Variants in MYCBP2 observed in about 807,000 individuals in gnomAD.
MYCBP2 encodes the protein E3 ubiquitin-protein ligase MYCBP2.
In MYCBP2, 120 loss-of-function variants were observed where a neutral mutation model predicts 525.3. The ratio of observed to expected loss-of-function variants is 0.23; its 90% CI spans 0.20 to 0.27. MYCBP2 has a LOEUF of 0.27. MYCBP2 is among the 10% of genes least tolerant of loss of function. MYCBP2 has a pLI of 1.00. For synonymous variants in MYCBP2, 1,894 were observed against 1,955.8 expected (o/e 0.97, Z 0.83); for missense variants, 4,149 against 5,657.1 (o/e 0.73, Z 8.55).
chr13:77,113,048 G>A (rs1279981507), intron 55 of MYCBP2, among the ~76,000 whole-genome samples: 2 of 152,110 alleles, frequency 1.3e-5, no homozygotes, highest in Non-Finnish European at 2.9e-5. Context: ...CCCTCTGCAT[G>A]AACAGTGCTT....
intron 2 of MYCBP2, among the ~76,000 whole-genome samples, chr13:77,294,484 A>G (rs1207397435): frequency 6.6e-6 from 1 of 152,092 alleles, no homozygotes; most frequent in Admixed American, 6.5e-5. Context: ...AGAGGAAAAA[A>G]ACTGAATTAC....
intron 42 of MYCBP2, 97 bp downstream of exon 42, chr13:77,165,176 G>A (rs1350969918): frequency 3.8e-6 from 4 of 1,062,704 alleles, no homozygotes; most frequent in African/African-American, 1.6e-5. Context: ...TTTTCGAATA[G>A]AGGCAACAGT....
chr13:77,286,098 C>A (rs1025450471), intron 3 of MYCBP2, among the ~76,000 whole-genome samples: 2 of 151,938 alleles, frequency 1.3e-5, no homozygotes, highest in African/African-American at 4.8e-5. Flanking sequence ...AGCCATCTGC[C>A]GAGAATAAGG....
At chr13:77,281,390 T>C (rs779366858) in intron 3 of MYCBP2, among the ~76,000 whole-genome samples, 1 of 152,046 alleles carries the variant, frequency 6.6e-6, no homozygotes, top group Admixed American at 6.5e-5. Context: ...TAAATATGTA[T>C]AATTAGCAAA....
chr13:77,162,065 C>T (rs1398822027), intron 43 of MYCBP2, 110 bp from the exon 44 acceptor site: 1 of 732,596 alleles, frequency 1.4e-6, no homozygotes, highest in Non-Finnish European at 2.2e-6. Flanking sequence ...TTCTGCTATT[C>T]CAGATTGAAA....
At chr13:77,158,250 C>T (rs1196320076) in intron 44 of MYCBP2, 141 bp from the exon 45 acceptor site, 1 of 481,938 alleles carries the variant, frequency 2.1e-6, no homozygotes, top group Non-Finnish European at 3.5e-6. Context: ...CTTCTTTTAA[C>T]CCACAGAATA....
intron 21 of MYCBP2, among the ~76,000 whole-genome samples, chr13:77,214,024 C>T (rs950125342): frequency 2.0e-5 from 3 of 152,228 alleles, no homozygotes; most frequent in Non-Finnish European, 2.9e-5. Context: ...CAGGGAAACA[C>T]ATGCCCCCAA....
At chr13:77,051,757 AT>A (rs2036868524) in intron 81 of MYCBP2, 53 bp downstream of exon 81, 14 of 1,329,788 alleles carry the variant, frequency 1.1e-5, no homozygotes, top group Non-Finnish European at 1.5e-5. Flanking sequence ...TGTTTAAAAA[AT>A]AATACTATTT....
Position 77,181,758 on chromosome 13 carries a change from G to A in MYCBP2, c.4884C>T (p.Asp1628=), listed in dbSNP as rs979684397. ...SIVKQVSTEN[D]STLVHRFPLL... ...GGGGAAAACGATGAACTAGTGTTGA[G>A]TCGTTCTCTGTACTAACTTGTTTAA... is the stretch of plus-strand genomic sequence containing the variant. The change falls in exon 33 of 83, where the codon GAC becomes GAT. Residue 1628 remains aspartate (D), a synonymous_variant. Coordinates refer to ENST00000544440, the MANE Select transcript of MYCBP2 (RefSeq NM_015057.5). 5 of 1,613,974 alleles carry A rather than the reference G, an allele frequency of 3.1e-6. No homozygotes were observed. The highest frequency in any genetic ancestry group is 4.2e-6 in the Non-Finnish European group (5 of 1,179,998).
chr13:77,253,320 G>C (rs569708969), intron 14 of MYCBP2, among the ~76,000 whole-genome samples: 1 of 151,902 alleles, frequency 6.6e-6, no homozygotes, highest in East Asian at 1.9e-4. Flanking sequence ...ACATTTACTA[G>C]AATGTTCACA....
chr13:77,076,748 T>A lies in MYCBP2; in HGVS notation c.11823+3A>T. 6.5e-7 allele frequency: 1 copy of A among 1,532,366 alleles called. No homozygotes were observed. Among genetic ancestry groups the A allele is most frequent in the African/African-American group, 1.4e-5 (1 of 72,940 alleles). The allele number at this position is 1,532,366 out of a possible 1,614,324, so 94.9% of individuals were successfully genotyped here. ...TAAATATCTTTAGAATACAAATAAA[T>A]ACATTGTATACTTTTTCTTCTCCTT... On this transcript the variant is annotated splice_donor_region_variant and intron_variant, in intron 68 of 82. Transcript: ENST00000544440.
At chr13:77,128,081 T>C (rs2154168685) in intron 52 of MYCBP2, among the ~76,000 whole-genome samples, 1 of 151,990 alleles carries the variant, frequency 6.6e-6, no homozygotes, top group East Asian at 1.9e-4. Flanking sequence ...ATACGCATTT[T>C]ATATACTCAT....
intron 59 of MYCBP2, among the ~76,000 whole-genome samples, chr13:77,091,631 A>G (rs917921580): frequency 6.6e-6 from 1 of 152,182 alleles, no homozygotes; most frequent in African/African-American, 2.4e-5. Context: ...CAGTTGTGAC[A>G]AAGTTATTTC....
intron 49 of MYCBP2, among the ~76,000 whole-genome samples, chr13:77,142,330 A>G (rs1228178998): frequency 6.6e-6 from 1 of 152,216 alleles, no homozygotes; most frequent in Admixed American, 6.5e-5. Flanking sequence ...AGAACCAAAA[A>G]ACATTTGCTG....
intron 3 of MYCBP2, among the ~76,000 whole-genome samples, chr13:77,286,342 T>C (rs772034821): frequency 1.2e-4 from 19 of 152,320 alleles, no homozygotes; most frequent in Non-Finnish European, 1.9e-4. Flanking sequence ...TCATTTTGAA[T>C]AGCTCTGTTT....
chr13:77,168,478 C>T lies in MYCBP2; in HGVS notation c.6064G>A (p.Val2022Ile). Reference sequence around the variant, plus strand: ...TTATACGGGTGCTCACTCTCTATGACAGCATAGTGACTGGAGGTTGTACAA... The same window carrying T: ...TTATACGGGTGCTCACTCTCTATGATAGCATAGTGACTGGAGGTTGTACAA... ...SACTTSSHYAVIESEHPYKPA... is the reference protein window; with the variant it reads ...SACTTSSHYAIIESEHPYKPA... Residue 2022 changes from valine to isoleucine, a missense_variant, in exon 40 of 83, where the codon GTC becomes ATC. Val to Ile is a conservative substitution (Grantham distance 29). Coordinates refer to ENST00000544440, the MANE Select transcript of MYCBP2 (RefSeq NM_015057.5). The T allele has an allele frequency of 6.2e-7, 1 of 1,614,070 alleles. No individual in the cohort carries two copies. The highest frequency in any genetic ancestry group is 8.5e-7 in the Non-Finnish European group (1 of 1,180,016).
chr13:77,082,987 A>ACT, intron 63 of MYCBP2, 45 bp downstream of exon 63: 1 of 1,537,834 alleles, frequency 6.5e-7, no homozygotes, highest in Non-Finnish European at 8.8e-7. Context: ...TATTCCATAA[A>ACT]CTCTCTTGTC....
At chr13:77,169,843 G>A in intron 38 of MYCBP2, 129 bp from the exon 39 acceptor site, 2 of 741,352 alleles carry the variant, frequency 2.7e-6, no homozygotes, top group South Asian at 1.6e-5. Flanking sequence ...TTGGGTGCTT[G>A]TCAAGGGCCT....
intron 2 of MYCBP2, among the ~76,000 whole-genome samples, chr13:77,295,082 C>G (rs1187086829): frequency 6.6e-6 from 1 of 152,162 alleles, no homozygotes; most frequent in Non-Finnish European, 1.5e-5. Context: ...GTAATAAGTC[C>G]ACACACAGAG....
Sources: allele counts gnomAD v4.1 joint callset (sites outside exome capture counted in the v4.1 genomes callset), GRCh38; gene constraint gnomAD v4.1.1; transcripts MANE v1.5; gene names NCBI Gene and HGNC (gene_info 2026-07-23, HGNC 2026-07-21).